Variants in ARHGAP26 observed in about 807,000 individuals in gnomAD.
ARHGAP26 encodes the protein rho GTPase-activating protein 26.
In ARHGAP26, 38 loss-of-function variants were observed where a neutral mutation model predicts 104.8. That is an observed-to-expected ratio of 0.36 (90% CI 0.28 to 0.48). ARHGAP26 has a LOEUF of 0.48. Ranked by LOEUF, ARHGAP26 falls within the 20% of genes least tolerant of loss-of-function variation. The pLI is 0.99. For missense variants in ARHGAP26, 704 were observed against 947.9 expected (o/e 0.74, Z 3.38); for synonymous variants, 341 against 340.0 (o/e 1.00, Z -0.03).
At chr5:143,172,481 C>G (rs1802914301) in intron 20 of ARHGAP26, among the ~76,000 whole-genome samples, 1 of 152,062 alleles carries the variant, frequency 6.6e-6, no homozygotes, top group Non-Finnish European at 1.5e-5. Context: ...AAAAGCATGC[C>G]AGTTCATCAA....
intron 17 of ARHGAP26, among the ~76,000 whole-genome samples, chr5:143,092,527 C>T (rs1791604374): frequency 6.6e-6 from 1 of 151,962 alleles, no homozygotes; most frequent in African/African-American, 2.4e-5. Flanking sequence ...TATAACATTC[C>T]TTTTTACATA....
chr5:142,894,171 C>A, intron 5 of ARHGAP26, 67 bp from the exon 6 acceptor site: 1 of 1,309,284 alleles, frequency 7.6e-7, no homozygotes, highest in Non-Finnish European at 1.1e-6. Context: ...TTTTTTCTGA[C>A]CTGCTTTCGG....
chr5:142,976,353 G>A (rs1206573683), intron 11 of ARHGAP26, among the ~76,000 whole-genome samples: 3 of 152,222 alleles, frequency 2.0e-5, no homozygotes, highest in Admixed American at 6.5e-5. Context: ...AGCAGCCTGT[G>A]TAGAGGATCT....
chr5:143,144,952 CTG>C (rs1562502689), intron 19 of ARHGAP26, among the ~76,000 whole-genome samples: 2 of 152,176 alleles, frequency 1.3e-5, no homozygotes, highest in African/African-American at 4.8e-5. Flanking sequence ...TTCTACAAAA[CTG>C]TAGTCGTTTT....
At chr5:142,825,490 G>A (rs1176517692) in intron 1 of ARHGAP26, among the ~76,000 whole-genome samples, 1 of 152,206 alleles carries the variant, frequency 6.6e-6, no homozygotes, top group African/African-American at 2.4e-5. Context: ...GTCCAGCCCA[G>A]CAGGGGACCT....
At chr5:142,978,617 A>G (rs562149340) in intron 11 of ARHGAP26, among the ~76,000 whole-genome samples, 1 of 152,328 alleles carries the variant, frequency 6.6e-6, no homozygotes, top group South Asian at 2.1e-4. Flanking sequence ...CTGACTTCAT[A>G]GAGTTCTCAG....
chr5:142,928,743 G>T (rs1346066995), intron 10 of ARHGAP26, among the ~76,000 whole-genome samples: 1 of 152,224 alleles, frequency 6.6e-6, no homozygotes, highest in Non-Finnish European at 1.5e-5. Context: ...TAGCTGTGAA[G>T]AGTGGGTGAA....
chr5:142,979,399 G>T (rs1773598678), intron 11 of ARHGAP26, among the ~76,000 whole-genome samples: 1 of 152,182 alleles, frequency 6.6e-6, no homozygotes, highest in South Asian at 2.1e-4. Context: ...TGTGTGTCCA[G>T]TTGGAGTGAG....
At chr5:142,894,375 T>C (rs368998835) in intron 6 of ARHGAP26, 27 bp downstream of exon 6, 1 of 1,584,138 alleles carries the variant, frequency 6.3e-7, no homozygotes, top group African/African-American at 1.3e-5. Flanking sequence ...GGTTTAATGA[T>C]GTACCCATAT....
intron 18 of ARHGAP26, among the ~76,000 whole-genome samples, chr5:143,129,800 T>G (rs186890081): frequency 6.6e-6 from 1 of 152,372 alleles, no homozygotes; most frequent in Non-Finnish European, 1.5e-5. Context: ...GCCTACTCTT[T>G]GCCACATACT....
At chr5:142,820,971 A>T (rs1766048632) in intron 1 of ARHGAP26, among the ~76,000 whole-genome samples, 1 of 152,228 alleles carries the variant, frequency 6.6e-6, no homozygotes, top group Admixed American at 6.5e-5. Context: ...CCGGGAAGGC[A>T]ATGCCAGGTA....
intron 20 of ARHGAP26, chr5:143,203,076 G>C (rs1446265679): frequency 1.3e-5 from 2 of 152,236 alleles, no homozygotes; most frequent in Admixed American, 6.5e-5. Flanking sequence ...ATTGACAAAT[G>C]TGATCTAATT....
Position 143,143,651 on chromosome 5 carries a change from T to C in ARHGAP26, c.1838-3580T>C, listed in dbSNP as rs186126678. The stretch of plus-strand genomic sequence containing the variant: ...TTCCAGCAGCATAAATTTTTGACTG[T>C]GTATTATTCCCTTATATTTAATATT... On this transcript the variant is annotated intron_variant, in intron 19 of 22. Coordinates refer to ENST00000645722, the MANE Select transcript of ARHGAP26 (RefSeq NM_001135608.3). 5.3e-5 allele frequency among the ~76,000 whole-genome samples: 8 copies of C among 152,270 alleles called. 1 individual carries two copies. The highest frequency in any genetic ancestry group is 1.9e-4 in the African/African-American group (8 of 41,552).
intron 11 of ARHGAP26, chr5:142,947,118 AAGAG>A (rs984633644): frequency 2.8e-5 from 4 of 144,520 alleles, no homozygotes; most frequent in Non-Finnish European, 4.5e-5. Context: ...AAAAAAAAAA[AAGAG>A]AGAGAGAGAG....
intron 4 of ARHGAP26, among the ~76,000 whole-genome samples, chr5:142,881,410 G>C (rs1756980608): frequency 6.6e-6 from 1 of 152,160 alleles, no homozygotes; most frequent in Non-Finnish European, 1.5e-5. Flanking sequence ...AGGAGCTACT[G>C]TCCCCCGGGG....
At chr5:142,934,957 C>T (rs532240495) in intron 11 of ARHGAP26, among the ~76,000 whole-genome samples, 107 of 152,244 alleles carry the variant, frequency 7.0e-4, no homozygotes, top group Non-Finnish European at 1.4e-3. Flanking sequence ...TTTTAATACA[C>T]AGTCATATCC....
At chr5:143,022,218 C>T (rs1780438488) in intron 12 of ARHGAP26, among the ~76,000 whole-genome samples, 1 of 152,072 alleles carries the variant, frequency 6.6e-6, no homozygotes, top group Admixed American at 6.6e-5. Context: ...ATTACAGGTG[C>T]CTGCTACCAC....
intron 17 of ARHGAP26, among the ~76,000 whole-genome samples, chr5:143,077,951 G>A (rs1598911284): frequency 6.6e-6 from 1 of 152,046 alleles, no homozygotes; most frequent in South Asian, 2.1e-4. Flanking sequence ...GCCCCTGATT[G>A]CCTCTCACCT....
intron 11 of ARHGAP26, among the ~76,000 whole-genome samples, chr5:142,965,770 G>A (rs577071771): frequency 2.6e-5 from 4 of 152,220 alleles, no homozygotes; most frequent in East Asian, 1.9e-4. Flanking sequence ...GTGGCTTGCC[G>A]CCCACAGTAG....
Sources: gnomAD v4.1 joint callset for allele counts (sites outside exome capture counted in the v4.1 genomes callset) on GRCh38, gnomAD v4.1.1 for gene constraint, MANE v1.5 for transcripts, NCBI Gene and HGNC (gene_info 2026-07-23, HGNC 2026-07-21) for gene names.